Variants in DPP6 observed in about 807,000 individuals in gnomAD.
DPP6 encodes dipeptidyl peptidase like 6, also known as A-type potassium channel modulatory protein DPP6.
In DPP6, 69 loss-of-function variants were observed where a neutral mutation model predicts 122.6. That is an observed-to-expected ratio of 0.56 (90% CI 0.46 to 0.69). DPP6 has a LOEUF of 0.69. Ranked by LOEUF, DPP6 falls within the 30% of genes least tolerant of loss-of-function variation. The pLI is 0.00. For missense variants in DPP6, 928 were observed against 1,116.9 expected (o/e 0.83, Z 2.41); for synonymous variants, 418 against 433.1 (o/e 0.97, Z 0.43).
chr7:154,656,318 G>C (rs1837243085), intron 6 of DPP6, among the ~76,000 whole-genome samples: 1 of 5,830 alleles, frequency 1.7e-4, no homozygotes. Context: ...AGGGGCAGTC[G>C]AGAGGGAGGT....
chr7:154,573,408 C>T (rs1230534547), intron 5 of DPP6, among the ~76,000 whole-genome samples: 1 of 152,214 alleles, frequency 6.6e-6, no homozygotes, highest in African/African-American at 2.4e-5. Context: ...GTCTCACCTT[C>T]AGCACGTTCT....
chr7:154,179,903 A>G (rs770852116), intron 1 of DPP6, among the ~76,000 whole-genome samples: 2 of 152,212 alleles, frequency 1.3e-5, no homozygotes, highest in Non-Finnish European at 2.9e-5. Flanking sequence ...ATTAATTTTA[A>G]TGCAATTTAA....
intron 1 of DPP6, among the ~76,000 whole-genome samples, chr7:154,249,270 A>G (rs756160342): frequency 1.2e-4 from 19 of 152,274 alleles, no homozygotes; most frequent in Non-Finnish European, 2.4e-4. Context: ...TTTGTGCGTC[A>G]AGCACAAAGA....
chr7:154,355,587 T>C (rs1014523969), intron 1 of DPP6, among the ~76,000 whole-genome samples: 11 of 152,200 alleles, frequency 7.2e-5, no homozygotes, highest in African/African-American at 2.4e-4. Flanking sequence ...TATATGAATA[T>C]TGAGTTCTTA....
chr7:154,836,668 C>CA (rs554785192), intron 16 of DPP6, among the ~76,000 whole-genome samples: 1 of 152,096 alleles, frequency 6.6e-6, no homozygotes, highest in Non-Finnish European at 1.5e-5. Context: ...ATTTTAACAA[C>CA]AAAAAAACTG....
chr7:154,623,495 T>G (rs1834830346), intron 5 of DPP6, among the ~76,000 whole-genome samples: 1 of 152,212 alleles, frequency 6.6e-6, no homozygotes, highest in South Asian at 2.1e-4. Context: ...AAAATGTATG[T>G]GTCACCTTGG....
chr7:154,801,274 G>C (rs186593606), intron 12 of DPP6, 81 bp from the exon 13 acceptor site: 1 of 1,520,618 alleles, frequency 6.6e-7, no homozygotes, highest in Non-Finnish European at 8.9e-7. Flanking sequence ...AATGTATCTC[G>C]GGGTGTATTT....
chr7:154,512,330 C>G (rs186010378), intron 3 of DPP6, among the ~76,000 whole-genome samples: 2 of 152,098 alleles, frequency 1.3e-5, no homozygotes, highest in African/African-American at 4.8e-5. Flanking sequence ...TGTGCTTCTA[C>G]GTGTAATGTT....
intron 1 of DPP6, among the ~76,000 whole-genome samples, chr7:154,421,369 C>A (rs1378154875): frequency 6.7e-6 from 1 of 149,314 alleles, no homozygotes; most frequent in Non-Finnish European, 1.5e-5. Flanking sequence ...CTTACCCAGG[C>A]TGGAATGCAA....
intron 1 of DPP6, among the ~76,000 whole-genome samples, chr7:153,967,534 G>A (rs1335865723): frequency 6.6e-6 from 1 of 152,166 alleles, no homozygotes; most frequent in Non-Finnish European, 1.5e-5. Context: ...TTGTCACATT[G>A]TTGCTGTGAC....
chr7:154,182,711 C>T (rs971963138), intron 1 of DPP6, among the ~76,000 whole-genome samples: 1 of 152,036 alleles, frequency 6.6e-6, no homozygotes, highest in Non-Finnish European at 1.5e-5. Flanking sequence ...CTGTGTCTCT[C>T]GGTGTGCTAT....
rs78515930 is a variant in DPP6 at position 154,632,760 on chromosome 7, C to G, written c.628-5061C>G. The stretch of plus-strand genomic sequence containing the variant: ...AGTAGATGAGTGGCCAAAGAAAAAA[C>G]TCAGTGTCCACGATGGTACAGAGAA... On this transcript the variant is annotated intron_variant, in intron 5 of 25. Coordinates refer to ENST00000377770, the MANE Select transcript of DPP6 (RefSeq NM_130797.4). Among the ~76,000 whole-genome samples the G allele has an allele frequency of 6.2e-3, 933 of 151,434 alleles. 6 individuals are homozygous for G. The highest frequency in any genetic ancestry group is 1.0e-2 in the Non-Finnish European group (679 of 67,978).
chr7:154,059,619 G>T (rs1266528576), intron 1 of DPP6: 2 of 149,178 alleles, frequency 1.3e-5, no homozygotes, highest in Non-Finnish European at 2.9e-5. Flanking sequence ...GGTCACAAAG[G>T]GGGCGGGGAC....
At chr7:154,463,845 C>T (rs1245824743) in intron 2 of DPP6, among the ~76,000 whole-genome samples, 1 of 152,154 alleles carries the variant, frequency 6.6e-6, no homozygotes, top group Non-Finnish European at 1.5e-5. Context: ...ACAATTTCCT[C>T]TTTTCTCTTC....
chr7:153,923,605 C>CA (rs761192846), intron 1 of DPP6, among the ~76,000 whole-genome samples: 64 of 151,672 alleles, frequency 4.2e-4, no homozygotes, highest in Non-Finnish European at 8.4e-4. Flanking sequence ...ACTAAAAATA[C>CA]AAAAAATTAG....
chr7:153,884,426 T>C (rs1028023655), upstream of DPP6, among the ~76,000 whole-genome samples: 17 of 152,336 alleles, frequency 1.1e-4, 1 homozygote, highest in Admixed American at 9.8e-4. Context: ...ACATTTGGGT[T>C]GTGGGACTGT....
intron 4 of DPP6, among the ~76,000 whole-genome samples, chr7:154,561,096 A>G (rs1194788582): frequency 6.6e-6 from 1 of 152,226 alleles, no homozygotes; most frequent in East Asian, 1.9e-4. Context: ...TTGAGCTACA[A>G]TATTTGAAGC....
At chr7:154,791,663 C>G (rs1360443025) in intron 10 of DPP6, among the ~76,000 whole-genome samples, 1 of 152,202 alleles carries the variant, frequency 6.6e-6, no homozygotes, top group Admixed American at 6.5e-5. Flanking sequence ...AAATAACAAA[C>G]CACACCAGAG....
At chr7:154,460,064 C>T (rs1182198140) in intron 2 of DPP6, among the ~76,000 whole-genome samples, 1 of 145,236 alleles carries the variant, frequency 6.9e-6, no homozygotes, top group African/African-American at 2.5e-5. Flanking sequence ...TCACCACAAC[C>T]TCTGCCTCCT....
Sources: allele counts gnomAD v4.1 joint callset (sites outside exome capture counted in the v4.1 genomes callset), GRCh38; gene constraint gnomAD v4.1.1; transcripts MANE v1.5; gene names NCBI Gene and HGNC (gene_info 2026-07-23, HGNC 2026-07-21).